Variants in FBXO25 observed in about 807,000 individuals in gnomAD.
The protein encoded by FBXO25 is F-box only protein 25.
A neutral mutation model predicts 51.9 loss-of-function variants in FBXO25; 45 were observed. The ratio of observed to expected loss-of-function variants is 0.87; its 90% CI spans 0.68 to 1.11. FBXO25 has a LOEUF of 1.11. Ranked by LOEUF, FBXO25 falls within the 50% of genes most tolerant of loss-of-function variation. The pLI, the probability that FBXO25 is intolerant of heterozygous loss-of-function variation, is 0.00. For synonymous variants in FBXO25, 199 were observed against 151.0 expected (o/e 1.32, Z -2.33); for missense variants, 507 against 428.5 (o/e 1.18, Z -1.62).
intron 2 of FBXO25, among the ~76,000 whole-genome samples, chr8:419,166 C>T (rs879642036): frequency 2.0e-5 from 3 of 151,916 alleles, no homozygotes; most frequent in Non-Finnish European, 4.4e-5. Flanking sequence ...TCAAGACCAG[C>T]CCGGCCAACA....
At chr8:409,363 G>A (rs1014347899) in intron 1 of FBXO25, among the ~76,000 whole-genome samples, 148 of 152,142 alleles carry the variant, frequency 9.7e-4, no homozygotes, top group African/African-American at 3.2e-3. Context: ...TTTGGGCATG[G>A]ACTATTTTTT....
chr8:415,644 T>C (rs796279712), intron 2 of FBXO25, among the ~76,000 whole-genome samples: 63 of 152,116 alleles, frequency 4.1e-4, no homozygotes, highest in African/African-American at 1.3e-3. Context: ...AGTAAAAGAG[T>C]GAGTCACATA....
At chr8:427,473 C>T (rs1163668626) in intron 2 of FBXO25, among the ~76,000 whole-genome samples, 1 of 151,250 alleles carries the variant, frequency 6.6e-6, no homozygotes, top group Non-Finnish European at 1.5e-5. Flanking sequence ...ATATATGTAC[C>T]TTTCATAATC....
intron 1 of FBXO25, among the ~76,000 whole-genome samples, chr8:410,527 G>T (rs1417988111): frequency 6.6e-6 from 1 of 152,004 alleles, no homozygotes; most frequent in Non-Finnish European, 1.5e-5. Flanking sequence ...GCCATTTTCT[G>T]TTGAATGTGT....
At chr8:412,546 A>G (rs879772629) in intron 1 of FBXO25, among the ~76,000 whole-genome samples, 13 of 152,116 alleles carry the variant, frequency 8.5e-5, no homozygotes, top group Non-Finnish European at 1.6e-4. Context: ...TTACCTGCTT[A>G]CTTCCCTTTT....
chr8:412,792 C>A (rs937426501), intron 1 of FBXO25, among the ~76,000 whole-genome samples: 3 of 152,142 alleles, frequency 2.0e-5, no homozygotes, highest in African/African-American at 7.2e-5. Flanking sequence ...TCCCTGACCC[C>A]TGCTTGTTTT....
chr8:458,343 G>C, intron 7 of FBXO25, 26 bp from the exon 8 acceptor site: 1 of 1,605,660 alleles, frequency 6.2e-7, no homozygotes, highest in South Asian at 1.1e-5. Context: ...TCTTCTCAGT[G>C]AGTTGCTGTT....
At chr8:467,341 C>A (rs1457464483) in intron 9 of FBXO25, among the ~76,000 whole-genome samples, 1 of 152,046 alleles carries the variant, frequency 6.6e-6, no homozygotes, top group African/African-American at 2.4e-5. Context: ...GAACTTTCCC[C>A]AAAAAAATCT....
chr8:459,138 T>C (rs972145099), intron 8 of FBXO25, among the ~76,000 whole-genome samples: 3 of 152,154 alleles, frequency 2.0e-5, no homozygotes, highest in Non-Finnish European at 2.9e-5. Flanking sequence ...CTGCAGAAAC[T>C]GGGGGTTCCC....
intron 5 of FBXO25, among the ~76,000 whole-genome samples, chr8:441,752 CAT>C (rs1230785020): frequency 2.6e-5 from 4 of 152,190 alleles, no homozygotes; most frequent in Admixed American, 2.6e-4. Context: ...AGCCAACAAA[CAT>C]GAAGAAAAGC....
At chr8:468,041 C>G (rs902725903) in intron 9 of FBXO25, 2 of 1,272,166 alleles carry the variant, frequency 1.6e-6, no homozygotes, top group Non-Finnish European at 2.0e-6. Context: ...CCAGGGCATG[C>G]CATGGAGAGA....
At chr8:442,969 A>G (rs547193312) in intron 5 of FBXO25, among the ~76,000 whole-genome samples, 8 of 152,316 alleles carry the variant, frequency 5.3e-5, no homozygotes, top group Admixed American at 4.6e-4. Context: ...AAAGTGTATT[A>G]GCAAAGTATG....
intron 1 of FBXO25, among the ~76,000 whole-genome samples, chr8:409,723 A>C (rs955322621): frequency 6.6e-6 from 1 of 151,978 alleles, no homozygotes; most frequent in Non-Finnish European, 1.5e-5. Context: ...TCTGTTGGCA[A>C]GATATTTGTT....
At chr8:439,454 C>A (rs991209450) in intron 5 of FBXO25, among the ~76,000 whole-genome samples, 16 of 152,212 alleles carry the variant, frequency 1.1e-4, no homozygotes, top group African/African-American at 3.9e-4. Flanking sequence ...GTTTATATAT[C>A]TAATTTTGGT....
At chr8:418,169 G>A (rs545396151) in intron 2 of FBXO25, among the ~76,000 whole-genome samples, 1 of 152,190 alleles carries the variant, frequency 6.6e-6, no homozygotes, top group East Asian at 1.9e-4. Flanking sequence ...ATGTAAAGGT[G>A]CTGTCTGCTC....
At position 467,598 on chromosome 8, in the gene FBXO25, G is replaced by T. The variant is rs557824966; in HGVS notation, c.988-1117G>T. The T allele has an allele frequency of 6.3e-5, 63 of 997,890 alleles. No individual in the cohort carries two copies. The African/African-American group carries it at 9.1e-4, about 14-fold the overall frequency. 61.8% of individuals were successfully genotyped at this position (997,890 alleles called of 1,614,324 possible). A position where few individuals can be genotyped will look rare whatever the true frequency, so the allele number is the denominator to read the frequency against. ...TTACCTGATGTTTTTAGTTATTTTC[G>T]TAAATAATATGAATCAAACCTGAAT... is the stretch of plus-strand genomic sequence containing the variant. On this transcript the variant is annotated intron_variant, in intron 9 of 9. Coordinates refer to ENST00000350302, the MANE Select transcript of FBXO25 (RefSeq NM_183420.2).
At chr8:454,311 C>G (rs1423379160) in intron 7 of FBXO25, among the ~76,000 whole-genome samples, 2 of 152,184 alleles carry the variant, frequency 1.3e-5, no homozygotes, top group African/African-American at 4.8e-5. Context: ...ATTGGAAGTG[C>G]TTTCATGTGC....
chr8:472,412 C>G lies in FBXO25; in HGVS notation c.*3608C>G, dbSNP rs1011457171. ...ATTCTTGGGTCAAAGCCCACTAAGT[C>G]ATGGTTTATGATACCTTTTATACAT... On this transcript the variant is annotated 3_prime_UTR_variant, in exon 10 of 10. Coordinates refer to ENST00000350302, the MANE Select transcript of FBXO25 (RefSeq NM_183420.2). 2 of 152,220 alleles carry G rather than the reference C, an allele frequency of 1.3e-5. No individual in the cohort carries two copies. Among genetic ancestry groups the G allele is most frequent in the Non-Finnish European group, 2.9e-5 (2 of 68,056 alleles). 9.4% of individuals were successfully genotyped at this position (152,220 alleles called of 1,614,324 possible).
chr8:461,630 C>T (rs536075689), intron 8 of FBXO25, among the ~76,000 whole-genome samples: 1 of 152,174 alleles, frequency 6.6e-6, no homozygotes, highest in East Asian at 1.9e-4. Flanking sequence ...ATCAGCATCA[C>T]CTCAGGAAAA....
Sources: gnomAD v4.1 joint callset for allele counts (sites outside exome capture counted in the v4.1 genomes callset) on GRCh38, gnomAD v4.1.1 for gene constraint, MANE v1.5 for transcripts, NCBI Gene and HGNC (gene_info 2026-07-23, HGNC 2026-07-21) for gene names.